Variants in PCNX1 observed in about 807,000 individuals in gnomAD.
PCNX1 encodes the protein pecanex-like protein 1.
In PCNX1, 78 loss-of-function variants were observed where a neutral mutation model predicts 242.2. The observed-to-expected ratio is 0.32, with a 90% CI of 0.27 to 0.39. The LOEUF is 0.39. Ranked by LOEUF, PCNX1 falls within the 10% of genes least tolerant of loss-of-function variation. PCNX1 has a pLI of 1.00. For missense variants in PCNX1, 2,581 were observed against 2,856.5 expected (o/e 0.90, Z 2.20); for synonymous variants, 1,024 against 1,032.9 (o/e 0.99, Z 0.17).
At chr14:70,953,981 T>C (rs1484670393) in intron 2 of PCNX1, among the ~76,000 whole-genome samples, 3 of 152,232 alleles carry the variant, frequency 2.0e-5, no homozygotes, top group African/African-American at 7.2e-5. Context: ...TTTTTGTGTC[T>C]GAATTATTTT....
intron 23 of PCNX1, among the ~76,000 whole-genome samples, chr14:71,050,993 AC>A (rs1434981696): frequency 6.6e-6 from 1 of 151,804 alleles, no homozygotes; most frequent in Non-Finnish European, 1.5e-5. Flanking sequence ...ACATGGATAA[AC>A]CCCATCTCCA....
Position 71,102,214 on chromosome 14 carries a change from C to G in PCNX1, c.5814C>G (p.Val1938=). 1 of 1,602,376 alleles carries G rather than the reference C, an allele frequency of 6.2e-7. No homozygotes were observed. The highest frequency in any genetic ancestry group is 2.2e-5 in the East Asian group (1 of 44,806). The part of the protein sequence containing the change: ...MLNRRYLSFR[V]IKVNKECVRG... ...ACAGACGCTACCTGAGCTTCAGGGT[C>G]ATTAAAGTAAGTGTTTGAGGTATTT... Residue 1938 remains valine, a synonymous_variant, in exon 31 of 36, where the codon GTC becomes GTG. Transcript: ENST00000304743.
intron 26 of PCNX1, among the ~76,000 whole-genome samples, chr14:71,069,496 CAT>C (rs981387939): frequency 2.3e-4 from 35 of 152,204 alleles, no homozygotes; most frequent in Middle Eastern, 3.4e-3. Flanking sequence ...TGTTGAAAAA[CAT>C]GTGTATGTAT....
chr14:71,052,490 G>A (rs1025309405), intron 24 of PCNX1, among the ~76,000 whole-genome samples: 1 of 152,140 alleles, frequency 6.6e-6, no homozygotes, highest in Non-Finnish European at 1.5e-5. Context: ...TAGGATCACA[G>A]GCATGAGCCA....
Position 71,114,810 on chromosome 14 carries a change from GC to G in PCNX1, c.*4879del, listed in dbSNP as rs2062823087. 6.6e-6 allele frequency: 1 copy of G among 152,458 alleles called. No homozygotes were observed. Among genetic ancestry groups the G allele is most frequent in the African/African-American group, 2.4e-5 (1 of 41,394 alleles). 9.4% of individuals were successfully genotyped at this position (152,458 alleles called of 1,614,324 possible). On this transcript the variant is annotated 3_prime_UTR_variant, in exon 36 of 36. Coordinates refer to ENST00000304743, the MANE Select transcript of PCNX1 (RefSeq NM_014982.3). ...AGTTTTACCTGCACAATGAGGTGGTGCCCCGGAATTCACAACAGAGTAGTGA... is the reference window on the plus strand; with the variant it reads ...AGTTTTACCTGCACAATGAGGTGGTGCCCGGAATTCACAACAGAGTAGTGA...
rs980089222 is a variant in PCNX1, at chr14:71,108,734, G to T, written c.6432G>T (p.Gly2144=). 6 of 1,614,118 alleles carry T rather than the reference G, an allele frequency of 3.7e-6. No individual in the cohort carries two copies. The highest frequency in any genetic ancestry group is 5.1e-6 in the Non-Finnish European group (6 of 1,180,048). ...CATCCCTCCGGATGTCCACCACTGG[G>T]TTTGTGCCTTGTCGGCGCTCTTCTA... ...RHSSLRMSTT[G]FVPCRRSSTS... The change falls in exon 34 of 36, where the codon GGG becomes GGT. Residue 2144 remains glycine, a synonymous_variant. Coordinates refer to ENST00000304743, the MANE Select transcript of PCNX1 (RefSeq NM_014982.3).
intron 1 of PCNX1, among the ~76,000 whole-genome samples, chr14:70,912,854 C>T (rs144797215): frequency 8.5e-5 from 13 of 152,292 alleles, no homozygotes; most frequent in African/African-American, 2.9e-4. Flanking sequence ...GAGCCTTTTC[C>T]TCCTGTGAGA....
chr14:71,056,958 G>A (rs1467930009), intron 25 of PCNX1, among the ~76,000 whole-genome samples: 1 of 152,140 alleles, frequency 6.6e-6, no homozygotes, highest in African/African-American at 2.4e-5. Flanking sequence ...CCAGGCATGA[G>A]CCACCACACC....
chr14:70,967,969 A>G (rs2058430675), intron 3 of PCNX1, among the ~76,000 whole-genome samples: 1 of 152,158 alleles, frequency 6.6e-6, no homozygotes, highest in African/African-American at 2.4e-5. Context: ...GAGCATGCAG[A>G]GGGATTGGGT....
At chr14:70,952,781 G>A (rs2057838361) in intron 2 of PCNX1, among the ~76,000 whole-genome samples, 2 of 152,094 alleles carry the variant, frequency 1.3e-5, no homozygotes, top group Non-Finnish European at 2.9e-5. Flanking sequence ...TCTAGTTTAT[G>A]TAAGCTGGTT....
At chr14:70,980,420 AAT>A (rs1225355731) in intron 6 of PCNX1, among the ~76,000 whole-genome samples, 1 of 152,080 alleles carries the variant, frequency 6.6e-6, no homozygotes, top group African/African-American at 2.4e-5. Context: ...ATGAAATAAA[AAT>A]ATCTGCTTTG....
intron 30 of PCNX1, chr14:71,093,176 A>T (rs1347268761): frequency 6.6e-6 from 1 of 152,242 alleles, no homozygotes; most frequent in East Asian, 1.9e-4. Context: ...ACCATTGAAG[A>T]TGCCCTTGTT....
chr14:70,966,720 G>A lies in PCNX1; in HGVS notation c.469-1478G>A, dbSNP rs563232390. On this transcript the variant is annotated intron_variant, in intron 3 of 35. Coordinates refer to ENST00000304743, the MANE Select transcript of PCNX1 (RefSeq NM_014982.3). ...CTGAGCAAATGACTACCATATCCGTGTTTAAAAATTTTTTTTTTAAGTTTA... is the reference window on the plus strand; with the variant it reads ...CTGAGCAAATGACTACCATATCCGTATTTAAAAATTTTTTTTTTAAGTTTA... Among the ~76,000 whole-genome samples, 21 of 152,186 alleles carry A rather than the reference G, an allele frequency of 1.4e-4. 1 individual carries two copies. Among genetic ancestry groups the A allele is most frequent in the Admixed American group, 1.3e-3 (20 of 15,300 alleles).
At chr14:70,962,399 GT>G (rs2058248186) in intron 3 of PCNX1, 68 bp downstream of exon 3, 1 of 791,680 alleles carries the variant, frequency 1.3e-6, no homozygotes, top group Non-Finnish European at 2.2e-6. Context: ...TTATTCTCGT[GT>G]CTTTAAGTCG....
At position 71,058,084 on chromosome 14, in the gene PCNX1, G is replaced by A. The variant is rs371398086; in HGVS notation, c.4852+360G>A. On this transcript the variant is annotated intron_variant, in intron 26 of 35. Transcript: ENST00000304743. ...CATGGAATGCTGAATTTTTGTGTGAGGCAGAATAGTTAACTGAGTTATGTT... is the reference window on the plus strand; with the variant it reads ...CATGGAATGCTGAATTTTTGTGTGAAGCAGAATAGTTAACTGAGTTATGTT... 4.1e-4 allele frequency among the ~76,000 whole-genome samples: 63 copies of A among 152,266 alleles called. No individual in the cohort carries two copies. In the East Asian group the frequency reaches 0.01, roughly 25 times the overall value.
intron 11 of PCNX1, 50 bp from the exon 12 acceptor site, chr14:71,018,959 T>A: frequency 1.4e-6 from 2 of 1,467,222 alleles, no homozygotes; most frequent in Non-Finnish European, 1.9e-6. Context: ...TCCATTTGGT[T>A]AATTTCTTAT....
chr14:70,998,570 G>T (rs1198530830), intron 8 of PCNX1, among the ~76,000 whole-genome samples: 1 of 151,756 alleles, frequency 6.6e-6, no homozygotes, highest in Non-Finnish European at 1.5e-5. Flanking sequence ...GGCCAAAATG[G>T]TGAATCCCCA....
chr14:71,068,591 C>CGT (rs373964832), intron 26 of PCNX1, among the ~76,000 whole-genome samples: 22,764 of 123,830 alleles, frequency 0.18, 2,176 homozygotes, highest in Middle Eastern at 0.28. Flanking sequence ...TATGTACGTG[C>CGT]GTGTGTGTGT....
chr14:71,009,574 T>A (rs1187725836), intron 8 of PCNX1, 60 bp from the exon 9 acceptor site: 1 of 980,830 alleles, frequency 1.0e-6, no homozygotes, highest in East Asian at 2.6e-5. Flanking sequence ...ATTTAGTATA[T>A]CATGAAGGAA....
Sources: gnomAD v4.1 joint callset for allele counts (sites outside exome capture counted in the v4.1 genomes callset) on GRCh38, gnomAD v4.1.1 for gene constraint, MANE v1.5 for transcripts, NCBI Gene and HGNC (gene_info 2026-07-23, HGNC 2026-07-21) for gene names.